LRRTM3: variants seen among roughly 807,000 people sequenced by gnomAD.
LRRTM3 encodes the protein leucine-rich repeat transmembrane neuronal protein 3.
Under a neutral mutation model 44.7 loss-of-function variants are expected in LRRTM3, and 24 were observed. The ratio of observed to expected loss-of-function variants is 0.54; its 90% CI spans 0.39 to 0.76. LRRTM3 has a LOEUF of 0.76. Among genes scored for constraint, LRRTM3 ranks in the 30% least tolerant of loss-of-function variants. LRRTM3 has a pLI of 0.00. For missense variants in LRRTM3, 587 were observed against 702.2 expected, an observed-to-expected ratio of 0.84 and a Z score of 1.85; for synonymous variants, 277 against 278.7, an observed-to-expected ratio of 0.99 and a Z score of 0.06.
chr10:66,945,637 C>A (rs989900555), intron 2 of LRRTM3, among the ~76,000 whole-genome samples: 1 of 152,182 alleles, frequency 6.6e-6, no homozygotes, highest in Non-Finnish European at 1.5e-5. Context: ...AACAACTTGG[C>A]TAGCTATTTG....
Position 67,100,970 on chromosome 10 carries a change from T to C in LRRTM3, c.*3174T>C, listed in dbSNP as rs1220908567. On this transcript the variant is annotated 3_prime_UTR_variant, in exon 3 of 3. Transcript: ENST00000361320. ...GATAGAATGAAAGAATATATATCTATATATATTTGACATGTTGTTTAGTAA... is the reference window on the plus strand; with the variant it reads ...GATAGAATGAAAGAATATATATCTACATATATTTGACATGTTGTTTAGTAA... Among the ~76,000 whole-genome samples, 1 of 151,694 alleles carries C rather than the reference T, an allele frequency of 6.6e-6. No homozygotes were observed. The highest frequency in any genetic ancestry group is 1.9e-4 in the East Asian group (1 of 5,172).
At chr10:66,980,782 A>G (rs548735809) in intron 2 of LRRTM3, among the ~76,000 whole-genome samples, 1 of 152,206 alleles carries the variant, frequency 6.6e-6, no homozygotes, top group African/African-American at 2.4e-5. Flanking sequence ...CTTCATGTAC[A>G]AGAGTGTTCA....
At chr10:66,932,196 A>G (rs1353020890) in intron 2 of LRRTM3, among the ~76,000 whole-genome samples, 2 of 152,206 alleles carry the variant, frequency 1.3e-5, no homozygotes, top group African/African-American at 4.8e-5. Context: ...ATTCATGGAT[A>G]ATGAAATTAT....
chr10:67,094,485 A>G (rs973395535), intron 2 of LRRTM3, among the ~76,000 whole-genome samples: 2 of 151,862 alleles, frequency 1.3e-5, no homozygotes, highest in East Asian at 3.9e-4. Context: ...GTGTATAATT[A>G]AAAAGAAAAT....
chr10:67,022,312 G>T (rs1853068613), intron 2 of LRRTM3, among the ~76,000 whole-genome samples: 1 of 152,002 alleles, frequency 6.6e-6, no homozygotes, highest in Non-Finnish European at 1.5e-5. Context: ...CTGAGAAAAA[G>T]CTTTTTGTAC....
chr10:67,045,412 G>T (rs566974462), intron 2 of LRRTM3, among the ~76,000 whole-genome samples: 2 of 152,118 alleles, frequency 1.3e-5, no homozygotes, highest in African/African-American at 4.8e-5. Flanking sequence ...ATTTTTGTTG[G>T]TTTTTTTGTT....
chr10:67,061,867 A>G (rs1486900637), intron 2 of LRRTM3, among the ~76,000 whole-genome samples: 1 of 152,212 alleles, frequency 6.6e-6, no homozygotes, highest in Non-Finnish European at 1.5e-5. Flanking sequence ...CTGATAAAGA[A>G]TCAAGTTATG....
chr10:67,049,132 G>T (rs1359352358), intron 2 of LRRTM3, among the ~76,000 whole-genome samples: 1 of 151,322 alleles, frequency 6.6e-6, no homozygotes, highest in Non-Finnish European at 1.5e-5. Context: ...ATTATTCCAT[G>T]CAGGATAATG....
intron 2 of LRRTM3, among the ~76,000 whole-genome samples, chr10:67,009,760 C>T (rs947875039): frequency 2.0e-5 from 3 of 152,120 alleles, no homozygotes; most frequent in African/African-American, 7.2e-5. Context: ...GACTTTTTTA[C>T]TCCATTCCTC....
intron 2 of LRRTM3, among the ~76,000 whole-genome samples, chr10:67,012,003 C>T (rs1340033608): frequency 5.9e-5 from 9 of 152,130 alleles, no homozygotes; most frequent in Admixed American, 5.2e-4. Context: ...ACTCTATAGG[C>T]ATTATCTTTA....
intron 2 of LRRTM3, among the ~76,000 whole-genome samples, chr10:67,014,010 A>C (rs1357672268): frequency 6.6e-6 from 1 of 152,170 alleles, no homozygotes; most frequent in Non-Finnish European, 1.5e-5. Context: ...ATTTGTCTCT[A>C]AAAACAAGTG....
intron 2 of LRRTM3, among the ~76,000 whole-genome samples, chr10:67,093,963 G>C (rs1420038347): frequency 6.6e-6 from 1 of 151,872 alleles, no homozygotes; most frequent in African/African-American, 2.4e-5. Context: ...GTGATGTCAG[G>C]CAGCAGGTAG....
intron 2 of LRRTM3, among the ~76,000 whole-genome samples, chr10:66,987,624 G>T (rs768799550): frequency 4.6e-5 from 7 of 152,150 alleles, no homozygotes; most frequent in South Asian, 4.1e-4. Context: ...TTGAGGAAAT[G>T]TCTTGTCCTT....
intron 2 of LRRTM3, among the ~76,000 whole-genome samples, chr10:66,936,868 G>A (rs951427133): frequency 6.6e-6 from 1 of 152,122 alleles, no homozygotes; most frequent in Non-Finnish European, 1.5e-5. Context: ...TTTAAATAGA[G>A]ATGAAAGTCT....
At chr10:67,088,767 G>C (rs1857449291) in intron 2 of LRRTM3, among the ~76,000 whole-genome samples, 2 of 151,786 alleles carry the variant, frequency 1.3e-5, no homozygotes, top group Admixed American at 1.3e-4. Context: ...AAAATATTTT[G>C]TCTCTCATTA....
intron 2 of LRRTM3, among the ~76,000 whole-genome samples, chr10:67,008,471 G>C (rs1852134754): frequency 6.6e-6 from 1 of 151,892 alleles, no homozygotes; most frequent in Admixed American, 6.6e-5. Flanking sequence ...TGTTTGTTTT[G>C]TTTTGTTTTT....
chr10:66,972,002 T>C (rs1849749547), intron 2 of LRRTM3, among the ~76,000 whole-genome samples: 1 of 152,166 alleles, frequency 6.6e-6, no homozygotes. Flanking sequence ...CCCATGACTC[T>C]TGAAAATTTT....
rs759065923 is a variant in LRRTM3, at chr10:66,927,881, C to T, written c.965C>T (p.Ser322Phe). 2 of 1,614,194 alleles carry T rather than the reference C, an allele frequency of 1.2e-6. No individual in the cohort carries two copies. Among genetic ancestry groups the T allele is most frequent in the Non-Finnish European group, 1.7e-6 (2 of 1,180,038 alleles). The change falls in exon 2 of 3, where the codon TCC becomes TTC. Residue 322 changes from serine (S) to phenylalanine (F), a missense_variant. By Grantham distance (155) the Ser-to-Phe change is radical. Around this residue, in one of 3 missense-constraint regions of LRRTM3, gnomAD observed 315 missense variants for 335.6 expected, o/e 0.94. Transcript: ENST00000361320. The surrounding 1 kb of genome is among the most constrained non-coding windows in gnomAD (Gnocchi z 4.7). ...TGGGAATGCAGCAGAAATATTTGCT[C>T]CCTTGTAAACTGGCTGAAAAGTTTT... ...NIWECSRNIC[S>F]LVNWLKSFKG...
chr10:67,004,447 GGTGTCTGATAC>G (rs1851860091), intron 2 of LRRTM3, among the ~76,000 whole-genome samples: 1 of 152,152 alleles, frequency 6.6e-6, no homozygotes, highest in East Asian at 1.9e-4. Flanking sequence ...CCCATGGCAT[GGTGTCTGATAC>G]TTCATCTCTG....
Sources: gnomAD v4.1 joint callset for allele counts (sites outside exome capture counted in the v4.1 genomes callset) on GRCh38, gnomAD v4.1.1 for gene constraint, gnomAD v4.1.1 regional missense constraint, Gnocchi (gnomAD v3.1) non-coding constraint, MANE v1.5 for transcripts, NCBI Gene and HGNC (gene_info 2026-07-23, HGNC 2026-07-21) for gene names.